Variants in GLIS3 observed in about 807,000 individuals in gnomAD.
GLIS3 encodes GLIS family zinc finger 3.
Under a neutral mutation model 78.6 loss-of-function variants are expected in GLIS3, and 53 were observed. The observed-to-expected ratio is 0.67, with a 90% CI of 0.54 to 0.85. The LOEUF (loss-of-function observed/expected upper bound fraction) is 0.85. Ranked by LOEUF, GLIS3 falls within the 40% of genes least tolerant of loss-of-function variation. The pLI is 0.00. For synonymous variants in GLIS3, 684 were observed against 509.9 expected (o/e 1.34, Z -4.60); for missense variants, 1,703 against 1,231.1 (o/e 1.38, Z -5.74).
chr9:4,222,117 C>T (rs913582079), intron 2 of GLIS3, among the ~76,000 whole-genome samples: 3 of 152,194 alleles, frequency 2.0e-5, no homozygotes, highest in Non-Finnish European at 4.4e-5. Flanking sequence ...TCTGGACTCC[C>T]TTCCTCCCTC....
intron 7 of GLIS3, among the ~76,000 whole-genome samples, chr9:3,893,230 C>T (rs923231529): frequency 5.3e-5 from 8 of 152,280 alleles, no homozygotes; most frequent in African/African-American, 1.9e-4. Flanking sequence ...TTTTTGCTCA[C>T]CTACAAAAAT....
the GLIS3 span, among the ~76,000 whole-genome samples, chr9:4,470,983 C>A: frequency 8.6e-5 from 13 of 151,654 alleles, no homozygotes; most frequent in Non-Finnish European, 1.6e-4. Context: ...AGAGCCAAAT[C>A]ATGAGTGAAC....
intron 7 of GLIS3, among the ~76,000 whole-genome samples, chr9:3,889,859 T>C (rs908067363): frequency 1.1e-4 from 16 of 152,238 alleles, no homozygotes; most frequent in African/African-American, 3.9e-4. Flanking sequence ...CAGGCCAGAT[T>C]TGGCCTATGG....
the GLIS3 span, among the ~76,000 whole-genome samples, chr9:4,420,751 G>C: frequency 6.6e-6 from 1 of 152,080 alleles, no homozygotes; most frequent in South Asian, 2.1e-4. Context: ...AAATTACAAA[G>C]AAAAGAGGTG....
chr9:4,115,138 T>C (rs1268432933), intron 4 of GLIS3, among the ~76,000 whole-genome samples: 1 of 152,190 alleles, frequency 6.6e-6, no homozygotes, highest in Admixed American at 6.5e-5. Flanking sequence ...GTGTTGCTTG[T>C]AGTCATGGCC....
intron 4 of GLIS3, among the ~76,000 whole-genome samples, chr9:4,054,001 G>C (rs562966665): frequency 5.3e-5 from 8 of 152,348 alleles, no homozygotes; most frequent in African/African-American, 1.9e-4. Flanking sequence ...AAAACAAAAA[G>C]TCAAGTTACT....
At chr9:4,187,572 T>C (rs1817925336) in intron 2 of GLIS3, among the ~76,000 whole-genome samples, 1 of 152,226 alleles carries the variant, frequency 6.6e-6, no homozygotes, top group African/African-American at 2.4e-5. Flanking sequence ...ATTGAATCTA[T>C]AAATGACCTT....
intron 2 of GLIS3, among the ~76,000 whole-genome samples, chr9:4,328,527 C>T (rs886098008): frequency 9.2e-5 from 14 of 152,312 alleles, no homozygotes; most frequent in African/African-American, 3.4e-4. Context: ...ACAGATCAGC[C>T]CCTCCATAAA....
At chr9:3,975,239 G>A (rs1180061500) in intron 4 of GLIS3, 3 of 152,172 alleles carry the variant, frequency 2.0e-5, no homozygotes, top group Non-Finnish European at 4.4e-5. Flanking sequence ...ATTCTCAACA[G>A]GAGAGGGAGT....
At chr9:4,179,762 T>C (rs184507061) in intron 2 of GLIS3, among the ~76,000 whole-genome samples, 61 of 151,876 alleles carry the variant, frequency 4.0e-4, no homozygotes, top group African/African-American at 1.4e-3. Flanking sequence ...ATTCAAAAAT[T>C]AGCCGGGTTT....
intron 7 of GLIS3, among the ~76,000 whole-genome samples, chr9:3,893,518 G>T (rs1464426675): frequency 2.0e-5 from 3 of 152,050 alleles, no homozygotes; most frequent in African/African-American, 7.2e-5. Context: ...GCTGCTGTGG[G>T]GTGACAAGCA....
Position 3,932,380 on chromosome 9 carries a change from C to T in GLIS3, c.1963G>A (p.Glu655Lys), listed in dbSNP as rs765908434. The T allele has an allele frequency of 3.7e-6, 6 of 1,613,398 alleles. No homozygotes were observed. In the South Asian group the frequency reaches 5.5e-5, roughly 15 times the overall value. ...RKHVKAHSSK[E>K]QQARKKLRSS... is the part of the protein sequence containing the mutation. ...ATTACCTTTTTCCTTGCTTGTTGCT[C>T]TTTGGAAGAATGTGCCTTCACATGC... Residue 655 changes from glutamate (E) to lysine (K), a missense_variant, in exon 6 of 11, where the codon GAG (glutamate) becomes AAG (lysine). Physicochemically the swap from Glu to Lys is moderately conservative, Grantham distance 56. Transcript: ENST00000381971.
chr9:4,480,882 A>G, the GLIS3 span, among the ~76,000 whole-genome samples: 1 of 149,426 alleles, frequency 6.7e-6, no homozygotes, highest in African/African-American at 2.5e-5. Flanking sequence ...TGAGACAGGT[A>G]TTGCTCTGTT....
intron 2 of GLIS3, among the ~76,000 whole-genome samples, chr9:4,171,441 G>A (rs1816365724): frequency 6.6e-6 from 1 of 152,020 alleles, no homozygotes; most frequent in Non-Finnish European, 1.5e-5. Flanking sequence ...TCTGTCTTTG[G>A]GCTTCCATTT....
At chr9:4,085,521 G>A (rs1476227778) in intron 4 of GLIS3, among the ~76,000 whole-genome samples, 2 of 151,968 alleles carry the variant, frequency 1.3e-5, no homozygotes, top group Admixed American at 6.6e-5. Context: ...TCTCTACACT[G>A]ACCCTTTCTC....
At chr9:4,418,610 A>G in the GLIS3 span, among the ~76,000 whole-genome samples, 4 of 152,070 alleles carry the variant, frequency 2.6e-5, no homozygotes, top group African/African-American at 7.2e-5. Context: ...GAGGCAGGAG[A>G]ATCACTTGAA....
intron 4 of GLIS3, among the ~76,000 whole-genome samples, chr9:4,012,450 C>G (rs191373204): frequency 6.6e-6 from 1 of 152,010 alleles, no homozygotes; most frequent in Admixed American, 6.5e-5. Context: ...GACCCACACA[C>G]ACAAAAAAAA....
At chr9:3,975,064 T>C (rs1044744140) in intron 4 of GLIS3, 6 of 152,100 alleles carry the variant, frequency 3.9e-5, no homozygotes, top group African/African-American at 1.4e-4. Context: ...TTAGAATTTC[T>C]GGGGTTGCAA....
Position 4,097,842 on chromosome 9 carries a change from T to G in GLIS3, c.1710+19926A>C, listed in dbSNP as rs1355749611. Among the ~76,000 whole-genome samples the G allele has an allele frequency of 3.3e-5, 5 of 152,116 alleles. No individual in the cohort carries two copies. The East Asian group carries it at 9.6e-4, about 29-fold the overall frequency. On this transcript the variant is annotated intron_variant, in intron 4 of 10. Coordinates refer to ENST00000381971, the MANE Select transcript of GLIS3 (RefSeq NM_001042413.2). ...CCACAAAAGCAGTGGGAAGGCCCAC[T>G]AACCAATTAAGACACACACAAAAAA...
Sources: allele counts gnomAD v4.1 joint callset (sites outside exome capture counted in the v4.1 genomes callset), GRCh38; gene constraint gnomAD v4.1.1; transcripts MANE v1.5; gene names NCBI Gene and HGNC (gene_info 2026-07-23, HGNC 2026-07-21).